Variants in LIMK2 observed in about 807,000 individuals in gnomAD.
LIMK2 encodes the protein LIM domain kinase 2.
In LIMK2, 35 loss-of-function variants were observed where a neutral mutation model predicts 75.7. The ratio of observed to expected loss-of-function variants is 0.46; its 90% CI spans 0.35 to 0.61. LIMK2 has a LOEUF of 0.61. Ranked by LOEUF, LIMK2 falls within the 20% of genes least tolerant of loss-of-function variation. The probability of loss-of-function intolerance (pLI) is 0.00; values close to 1 mark genes in which losing one functional copy is unlikely to be tolerated. For synonymous variants in LIMK2, 301 were observed against 319.2 expected (o/e 0.94, Z 0.61); for missense variants, 623 against 831.0 (o/e 0.75, Z 3.08).
At chr22:31,213,817 C>CTTTTTTTTTTTTTTTTTTTTTT (rs71689139) in intron 1 of LIMK2, among the ~76,000 whole-genome samples, 4 of 145,334 alleles carry the variant, frequency 2.8e-5, no homozygotes, top group Non-Finnish European at 1.5e-5. Flanking sequence ...TTTCCAGTAA[C>CTTTTTTTTTTTTTTTTTTTTTT]TTTTTTTTTT....
chr22:31,272,813 A>T, intron 13 of LIMK2, 109 bp downstream of exon 13: 1 of 1,439,568 alleles, frequency 6.9e-7, no homozygotes, highest in Non-Finnish European at 9.1e-7. Context: ...AGGACCGGAT[A>T]CCCAGAGCTG....
chr22:31,238,152 T>C (rs1231520824), intron 2 of LIMK2, among the ~76,000 whole-genome samples: 1 of 141,152 alleles, frequency 7.1e-6, no homozygotes, highest in East Asian at 2.1e-4. Flanking sequence ...ATATAATAAA[T>C]AAGTGGCCAG....
chr22:31,275,330 C>G (rs904550393), intron 15 of LIMK2, 22 bp downstream of exon 15: 6 of 1,613,600 alleles, frequency 3.7e-6, no homozygotes, highest in South Asian at 2.2e-5. Flanking sequence ...GCCTTTTTCT[C>G]CCAGCTCACA....
At position 31,230,641 on chromosome 22, in the gene LIMK2, G is replaced by A. The variant is rs571387071; in HGVS notation, c.116+4822G>A. On this transcript the variant is annotated intron_variant, in intron 2 of 15. Transcript: ENST00000331728. ...ATTTGAGCTTTCACTTTTGAAAAGC[G>A]GTTACTAATACCTATACTCTGGGAA... Among the ~76,000 whole-genome samples, 6 of 152,254 alleles carry A rather than the reference G, an allele frequency of 3.9e-5. No homozygotes were observed. The South Asian group carries it at 8.3e-4, about 21-fold the overall frequency.
intron 2 of LIMK2, among the ~76,000 whole-genome samples, chr22:31,256,587 G>C (rs917807935): frequency 1.3e-5 from 2 of 151,962 alleles, no homozygotes; most frequent in Non-Finnish European, 2.9e-5. Context: ...TGATCCACCC[G>C]CCTCGGCCTC....
intron 14 of LIMK2, among the ~76,000 whole-genome samples, chr22:31,274,419 G>A (rs181194808): frequency 6.6e-6 from 1 of 152,194 alleles, no homozygotes; most frequent in African/African-American, 2.4e-5. Context: ...TTTTGTTTTT[G>A]AGATGGAGTT....
chr22:31,230,788 G>A (rs2048521275), intron 2 of LIMK2, among the ~76,000 whole-genome samples: 1 of 152,184 alleles, frequency 6.6e-6, no homozygotes, highest in Non-Finnish European at 1.5e-5. Context: ...AGACTGTGTT[G>A]TAATATGTTG....
intron 15 of LIMK2, among the ~76,000 whole-genome samples, chr22:31,276,170 G>A (rs2049012099): frequency 6.6e-6 from 1 of 152,168 alleles, no homozygotes; most frequent in Non-Finnish European, 1.5e-5. Context: ...CAGGGGCGGA[G>A]GTTGCAGTGA....
chr22:31,248,414 A>G, intron 2 of LIMK2: 2 of 1,407,764 alleles, frequency 1.4e-6, no homozygotes, highest in African/African-American at 2.9e-5. Flanking sequence ...CAAGAATGCC[A>G]GTGTGTGTGT....
At position 31,275,299 on chromosome 22, in the gene LIMK2, C is replaced by T; in HGVS notation, c.1763C>T (p.Pro588Leu). ...PLAAICCRLE[P>L]ESRPAFSKLE... ...GCCGCCATCTGCTGCAGACTGGAGC[C>T]TGAGAGCAGGTTGGTATCCTGCCTT... The change falls in exon 15 of 16, where the codon CCT (proline) becomes CTT (leucine). Residue 588 changes from proline (P) to leucine (L), a missense_variant. Physicochemically the swap from Pro to Leu is moderately conservative, Grantham distance 98 (BLOSUM62 -3). This residue lies in a region of LIMK2 where 63 missense variants were observed against 122.8 expected (regional missense o/e 0.51). Transcript: ENST00000331728. The T allele has an allele frequency of 6.2e-7, 1 of 1,614,168 alleles. No homozygotes were observed. Among genetic ancestry groups the T allele is most frequent in the Non-Finnish European group, 8.5e-7 (1 of 1,180,032 alleles).
intron 7 of LIMK2, among the ~76,000 whole-genome samples, chr22:31,263,226 G>C (rs1039679649): frequency 1.3e-5 from 2 of 152,200 alleles, no homozygotes; most frequent in African/African-American, 4.8e-5. Context: ...CCAAACCCCA[G>C]ATTCTGCCAG....
Position 31,267,053 on chromosome 22 carries a change from A to G in LIMK2, c.1111A>G (p.Lys371Glu). ...ELIRCDEETQ[K>E]TFLTEVKVMR... is the part of the protein sequence containing the mutation. ...AATTCGATGTGATGAGGAGACCCAG[A>G]AAACTTTTCTGACTGAGGTAAGAAG... The change falls in exon 9 of 16, where the codon AAA (lysine) becomes GAA (glutamate). Residue 371 changes from lysine to glutamate, a missense_variant. Physicochemically the swap from Lys to Glu is moderately conservative, Grantham distance 56 (BLOSUM62 1). Around this residue, in one of 3 missense-constraint regions of LIMK2, gnomAD observed 514 missense variants for 661.3 expected, o/e 0.78. Coordinates refer to ENST00000331728, the MANE Select transcript of LIMK2 (RefSeq NM_005569.4). 1.2e-6 allele frequency: 2 copies of G among 1,607,262 alleles called. No homozygotes were observed. The highest frequency in any genetic ancestry group is 1.7e-6 in the Non-Finnish European group (2 of 1,175,978).
chr22:31,220,700 C>T (rs185938110), intron 1 of LIMK2, among the ~76,000 whole-genome samples: 16 of 152,348 alleles, frequency 1.1e-4, no homozygotes, highest in African/African-American at 3.8e-4. Context: ...CAGTGGCTCA[C>T]GCCTGTAATC....
At chr22:31,226,600 C>CATTATT (rs1568984111) in intron 2 of LIMK2, among the ~76,000 whole-genome samples, 1 of 141,744 alleles carries the variant, frequency 7.1e-6, no homozygotes, top group Non-Finnish European at 1.6e-5. Flanking sequence ...ATTATAGCTA[C>CATTATT]ATTATTATTA....
At chr22:31,277,705 G>C (rs114594788) in intron 15 of LIMK2, 159 of 224,848 alleles carry the variant, frequency 7.1e-4, no homozygotes, top group African/African-American at 3.4e-3. Flanking sequence ...CAAAATAAAG[G>C]TGCTTACCCT....
At chr22:31,272,267 G>A (rs1157260747) in intron 12 of LIMK2, among the ~76,000 whole-genome samples, 1 of 150,942 alleles carries the variant, frequency 6.6e-6, no homozygotes, top group East Asian at 1.9e-4. Context: ...TAGAGACGGG[G>A]TTTTGCCATG....
chr22:31,226,016 A>G (rs904543198), intron 2 of LIMK2, among the ~76,000 whole-genome samples, 197 bp downstream of exon 2: 1 of 152,212 alleles, frequency 6.6e-6, no homozygotes, highest in South Asian at 2.1e-4. Flanking sequence ...TGGAAGAGCC[A>G]TAAATGGGCC....
At chr22:31,275,938 T>TA (rs1277451456) in intron 15 of LIMK2, among the ~76,000 whole-genome samples, 18 of 152,248 alleles carry the variant, frequency 1.2e-4, no homozygotes, top group African/African-American at 3.9e-4. Flanking sequence ...AGTGTGTGGT[T>TA]AAAAAACGAG....
Position 31,259,869 on chromosome 22 carries a change from C to A in LIMK2, c.363-20C>A, listed in dbSNP as rs2048820209. ...GTGTGGGACTCTAGCATCTTATTCC[C>A]CCCTGTGCCCTCTCCCCAGTGGGAA... On this transcript the variant is annotated intron_variant, in intron 4 of 15. Transcript: ENST00000331728. 5 of 1,592,126 alleles carry A rather than the reference C, an allele frequency of 3.1e-6. No individual in the cohort carries two copies. The South Asian group carries it at 5.7e-5, about 18-fold the overall frequency.
Sources: allele counts gnomAD v4.1 joint callset (sites outside exome capture counted in the v4.1 genomes callset), GRCh38; gene constraint gnomAD v4.1.1; regional missense constraint gnomAD v4.1.1; transcripts MANE v1.5; gene names NCBI Gene and HGNC (gene_info 2026-07-23, HGNC 2026-07-21).